Variants in MECOM observed in about 807,000 individuals in gnomAD.
The protein encoded by MECOM is histone-lysine N-methyltransferase MECOM.
Under a neutral mutation model 116.3 loss-of-function variants are expected in MECOM, and 13 were observed. That is an observed-to-expected ratio of 0.11 (90% CI 0.07 to 0.18). The LOEUF (loss-of-function observed/expected upper bound fraction) is 0.18, where lower values mean the gene tolerates loss of function less well. MECOM is among the 10% of genes least tolerant of loss of function. The pLI, the probability that MECOM is intolerant of heterozygous loss-of-function variation, is 1.00. For synonymous variants in MECOM, 528 were observed against 535.2 expected, an observed-to-expected ratio of 0.99 and a Z score of 0.19; for missense variants, 1,299 against 1,509.0, an observed-to-expected ratio of 0.86 and a Z score of 2.31.
chr3:169,384,991 C>A (rs1332236914), intron 1 of MECOM, among the ~76,000 whole-genome samples: 1 of 151,596 alleles, frequency 6.6e-6, no homozygotes, highest in African/African-American at 2.4e-5. Flanking sequence ...GTAGTCCCAG[C>A]CATTCTGGAG....
rs1364838306 is a variant in MECOM at position 169,417,364 on chromosome 3, C to T, written c.38-35840G>A. Among the ~76,000 whole-genome samples, 8 of 151,786 alleles carry T rather than the reference C, an allele frequency of 5.3e-5. No homozygotes were observed. In the East Asian group the frequency reaches 5.8e-4, roughly 11 times the overall value. On this transcript the variant is annotated intron_variant, in intron 1 of 16. Transcript: ENST00000651503. ...CAAAAAACACATGAAAAAATGCTCA[C>T]CATCACTGGCCATCAGAGAAATGCA...
chr3:169,246,007 G>A (rs1004948146), intron 2 of MECOM, among the ~76,000 whole-genome samples: 46 of 152,190 alleles, frequency 3.0e-4, no homozygotes, highest in African/African-American at 1.0e-3. Flanking sequence ...TAGAGTTAAT[G>A]GGACATTCTT....
intron 1 of MECOM, among the ~76,000 whole-genome samples, chr3:169,436,057 C>T (rs189642605): frequency 6.6e-6 from 1 of 152,222 alleles, no homozygotes; most frequent in Non-Finnish European, 1.5e-5. Flanking sequence ...TTATCTTTCA[C>T]AATATGTTGA....
intron 16 of MECOM, 91 bp downstream of exon 16, chr3:169,088,909 A>G: frequency 8.7e-7 from 1 of 1,153,760 alleles, no homozygotes; most frequent in Non-Finnish European, 1.2e-6. Flanking sequence ...AAAATATTTC[A>G]AAGATAGAAT....
intron 2 of MECOM, among the ~76,000 whole-genome samples, chr3:169,285,086 T>C (rs1434692885): frequency 6.6e-6 from 1 of 152,166 alleles, no homozygotes; most frequent in East Asian, 1.9e-4. Flanking sequence ...ATAAAAGCCT[T>C]AAAAATTTTT....
intron 1 of MECOM, among the ~76,000 whole-genome samples, chr3:169,456,526 A>T (rs182853869): frequency 6.6e-6 from 1 of 152,218 alleles, no homozygotes; most frequent in Non-Finnish European, 1.5e-5. Context: ...TACTCTTGCC[A>T]TGAGAAAAGA....
At chr3:169,125,754 A>C (rs1336244436) in intron 5 of MECOM, among the ~76,000 whole-genome samples, 1 of 152,112 alleles carries the variant, frequency 6.6e-6, no homozygotes, top group Non-Finnish European at 1.5e-5. Flanking sequence ...CAATCTATAG[A>C]GCCTTGATCA....
Position 169,362,650 on chromosome 3 carries a change from C to T in MECOM, c.375+18537G>A, listed in dbSNP as rs192881719. ...GATACTGCGGTTACCAATGTGGCTG[C>T]CCAAGAGAAAGAACAACTGACTGAC... On this transcript the variant is annotated intron_variant, in intron 2 of 16. Transcript: ENST00000651503. 1.3e-3 allele frequency among the ~76,000 whole-genome samples: 204 copies of T among 152,008 alleles called. 3 individuals carry two copies. Among genetic ancestry groups the T allele is most frequent in the African/African-American group, 4.8e-3 (200 of 41,524 alleles).
intron 2 of MECOM, among the ~76,000 whole-genome samples, chr3:169,234,526 G>C (rs1753798828): frequency 6.6e-6 from 1 of 151,874 alleles, no homozygotes; most frequent in African/African-American, 2.4e-5. Flanking sequence ...AAAAAGGAAA[G>C]GAATAGCCAT....
chr3:169,248,518 T>C (rs1035058267), intron 2 of MECOM, among the ~76,000 whole-genome samples: 1 of 152,228 alleles, frequency 6.6e-6, no homozygotes, highest in Admixed American at 6.5e-5. Flanking sequence ...CCTTTTGTTG[T>C]CTGTCAATTT....
At chr3:169,134,920 C>A (rs1457060750) in intron 3 of MECOM, among the ~76,000 whole-genome samples, 1 of 152,058 alleles carries the variant, frequency 6.6e-6, no homozygotes, top group Admixed American at 6.6e-5. Context: ...AGGAATCAGG[C>A]CTTTCAGAAA....
Position 169,102,071 on chromosome 3 carries a change from G to C in MECOM, c.2760C>G (p.Arg920=). 2 of 1,612,542 alleles carry C rather than the reference G, an allele frequency of 1.2e-6. No individual in the cohort carries two copies. The highest frequency in any genetic ancestry group is 1.7e-6 in the Non-Finnish European group (2 of 1,179,632). The part of the protein sequence containing the change: ...PENLLRKGKE[R]YTCRYCGKIF... ...AACTGTGCAGTTACCTGCAGGTATAGCGCTCCTTTCCCTTCCGCAGAAGGT... is the reference window on the plus strand; with the variant it reads ...AACTGTGCAGTTACCTGCAGGTATACCGCTCCTTTCCCTTCCGCAGAAGGT... The change falls in exon 11 of 17, where the codon CGC becomes CGG. Residue 920 remains arginine, a synonymous_variant. Transcript: ENST00000651503.
intron 1 of MECOM, among the ~76,000 whole-genome samples, chr3:169,423,274 G>T (rs1197771734): frequency 6.6e-6 from 1 of 152,062 alleles, no homozygotes. Context: ...ACACATCGAG[G>T]TATCAACAGG....
intron 2 of MECOM, among the ~76,000 whole-genome samples, chr3:169,176,647 C>G (rs1160001601): frequency 6.6e-6 from 1 of 152,076 alleles, no homozygotes; most frequent in Non-Finnish European, 1.5e-5. Context: ...AGCTTCTGCA[C>G]AGCAAAAGAA....
chr3:169,157,810 G>GT (rs1742218807), intron 2 of MECOM, among the ~76,000 whole-genome samples: 1 of 152,142 alleles, frequency 6.6e-6, no homozygotes, highest in Non-Finnish European at 1.5e-5. Context: ...CAACTAGAAG[G>GT]GGGGGATGCC....
intron 1 of MECOM, among the ~76,000 whole-genome samples, chr3:169,383,365 C>G (rs1348595073): frequency 6.6e-6 from 1 of 152,086 alleles, no homozygotes. Context: ...AATATTGTAC[C>G]TTATCATCTG....
intron 1 of MECOM, among the ~76,000 whole-genome samples, chr3:169,654,870 T>C (rs919157810): frequency 5.3e-5 from 8 of 151,440 alleles, no homozygotes; most frequent in African/African-American, 1.9e-4. Flanking sequence ...GAAGAAGATA[T>C]AGATCTTAAA....
At chr3:169,267,901 C>T (rs1225166764) in intron 2 of MECOM, among the ~76,000 whole-genome samples, 1 of 152,068 alleles carries the variant, frequency 6.6e-6, no homozygotes, top group Non-Finnish European at 1.5e-5. Context: ...GTCTTACTCA[C>T]CCACTTAAAG....
intron 2 of MECOM, chr3:169,147,671 C>T (rs148760573): frequency 1.0e-6 from 1 of 983,282 alleles, no homozygotes; most frequent in Non-Finnish European, 1.2e-6. Context: ...ATTTCTTTCC[C>T]CAGGGAAATA....
Sources: gnomAD v4.1 joint callset for allele counts (sites outside exome capture counted in the v4.1 genomes callset) on GRCh38, gnomAD v4.1.1 for gene constraint, MANE v1.5 for transcripts, NCBI Gene and HGNC (gene_info 2026-07-23, HGNC 2026-07-21) for gene names.